WIPI2: variants seen among roughly 807,000 people sequenced by gnomAD.
The protein encoded by WIPI2 is WD repeat domain, phosphoinositide interacting 2.
A neutral mutation model predicts 52.3 loss-of-function variants in WIPI2; 28 were observed. The observed-to-expected ratio is 0.54, with a 90% CI of 0.40 to 0.73. WIPI2 has a LOEUF of 0.73. Among genes scored for constraint, WIPI2 ranks in the 30% least tolerant of loss-of-function variants. WIPI2 has a pLI of 0.00. For synonymous variants in WIPI2, 268 were observed against 245.0 expected (o/e 1.09, Z -0.88); for missense variants, 506 against 602.9 (o/e 0.84, Z 1.68).
At chr7:5,224,557 G>A (rs1161998857) in intron 8 of WIPI2, among the ~76,000 whole-genome samples, 1 of 152,208 alleles carries the variant, frequency 6.6e-6, no homozygotes, top group Admixed American at 6.5e-5. Flanking sequence ...CATTCAGGGA[G>A]CAGAGTTTTT....
rs746769906 is a variant in WIPI2 at position 5,229,753 on chromosome 7, G to A, written c.1252+15G>A. 43 of 1,612,758 alleles carry A rather than the reference G, an allele frequency of 2.7e-5. No homozygotes were observed. The highest frequency in any genetic ancestry group is 4.0e-5 in the African/African-American group (3 of 74,880). On this transcript the variant is annotated intron_variant, in intron 12 of 12. Coordinates refer to ENST00000288828, the MANE Select transcript of WIPI2 (RefSeq NM_015610.4). Reference sequence around the variant, plus strand: ...AACGAGACTTGGTAAGGGGCGTGACGCAAACCTGGAAGGTAATTAGCCCCA... The same window carrying A: ...AACGAGACTTGGTAAGGGGCGTGACACAAACCTGGAAGGTAATTAGCCCCA...
chr7:5,222,452 G>C (rs745336619), intron 7 of WIPI2, 150 bp from the exon 8 acceptor site: 8 of 762,120 alleles, frequency 1.0e-5, no homozygotes, highest in Non-Finnish European at 1.6e-5. Flanking sequence ...GATGTTCAAG[G>C]GGGGCCCTGG....
chr7:5,191,736 T>A (rs901192986), intron 1 of WIPI2, among the ~76,000 whole-genome samples: 3 of 152,202 alleles, frequency 2.0e-5, no homozygotes, highest in African/African-American at 7.2e-5. Context: ...GAGTTGTTAC[T>A]GGCTGAGTGG....
Position 5,227,210 on chromosome 7 carries a change from GTAC to G in WIPI2, c.881_883del (p.Tyr294del). 6.2e-7 allele frequency: 1 copy of G among 1,613,996 alleles called. No homozygotes were observed. The highest frequency in any genetic ancestry group is 1.7e-5 in the Admixed American group (1 of 60,016). On this transcript the variant is annotated inframe_deletion, in exon 10 of 13. Transcript: ENST00000288828. This position sits in a 1 kb window ranked among gnomAD's most constrained non-coding sequence, Gnocchi z 8.1. ...CAGAGGAGCCCACCACCTGGACCGG[GTAC>G]TTCGGGAAAGTGCTCATGGCCTCCA... is the stretch of plus-strand genomic sequence containing the variant.
At chr7:5,211,494 G>C (rs548864020) in intron 3 of WIPI2, among the ~76,000 whole-genome samples, 2 of 152,078 alleles carry the variant, frequency 1.3e-5, no homozygotes, top group African/African-American at 4.8e-5. Flanking sequence ...ATCCCACTTC[G>C]CATGTGTCTA....
intron 3 of WIPI2, chr7:5,214,328 T>TA (rs1782704554): frequency 2.5e-6 from 4 of 1,570,478 alleles, no homozygotes; most frequent in Non-Finnish European, 3.4e-6. Context: ...GGGCCATCCT[T>TA]AGAGTGGAAA....
Position 5,193,160 on chromosome 7 carries a change from C to T in WIPI2, c.117C>T (p.Arg39=), listed in dbSNP as rs751948811. ...GASRAAGLGR[R]AVVWSLAVGS... ...CAAGAGCAGCTGGTCTTGGCCGTCG[C>T]GCTGTTGTCTGGTTAGTTCCAACCC... The change falls in exon 2 of 13, where the codon CGC becomes CGT. Residue 39 remains arginine (R), a synonymous_variant. Coordinates refer to ENST00000288828, the MANE Select transcript of WIPI2 (RefSeq NM_015610.4). The T allele has an allele frequency of 3.8e-5, 61 of 1,613,498 alleles. No homozygotes were observed. Among genetic ancestry groups the T allele is most frequent in the East Asian group, 8.9e-5 (4 of 44,894 alleles).
chr7:5,205,748 T>A (rs1049357707), intron 3 of WIPI2, among the ~76,000 whole-genome samples: 1 of 152,118 alleles, frequency 6.6e-6, no homozygotes, highest in African/African-American at 2.4e-5. Context: ...CCTCAAGTGA[T>A]CCACCTGCCT....
chr7:5,228,073 C>G (rs1783528696), intron 10 of WIPI2, 31 bp from the exon 11 acceptor site: 1 of 1,607,350 alleles, frequency 6.2e-7, no homozygotes, highest in Non-Finnish European at 8.5e-7. Flanking sequence ...TGACAGTTGT[C>G]TAGAATTTGG....
chr7:5,217,572 C>A, intron 6 of WIPI2: 1 of 405,966 alleles, frequency 2.5e-6, no homozygotes, highest in Non-Finnish European at 4.6e-6. Context: ...GCTGGGACTA[C>A]AGGCGGGTGC....
At chr7:5,222,728 T>G (rs1033356994) in intron 8 of WIPI2, 56 bp downstream of exon 8, 23 of 1,517,946 alleles carry the variant, frequency 1.5e-5, no homozygotes, top group Non-Finnish European at 2.1e-5. Flanking sequence ...GATTTCAGTT[T>G]TATGTTATCT....
At chr7:5,195,980 G>T (rs1781729454) in intron 2 of WIPI2, among the ~76,000 whole-genome samples, 1 of 151,846 alleles carries the variant, frequency 6.6e-6, no homozygotes, top group Non-Finnish European at 1.5e-5. Flanking sequence ...TGAGGTTGCA[G>T]TGAGTTGAGA....
At position 5,230,778 on chromosome 7, in the gene WIPI2, A is replaced by ATGGGGTCTGTGGTGTGTCCCC. The variant is rs1783690124; in HGVS notation, c.1253-56_1253-36dup. 1 of 1,349,862 alleles carries ATGGGGTCTGTGGTGTGTCCCC rather than the reference A, an allele frequency of 7.4e-7. No individual in the cohort carries two copies. The highest frequency in any genetic ancestry group is 1.0e-6 in the Non-Finnish European group (1 of 962,854). The allele number at this position is 1,349,862 out of a possible 1,614,324, so 83.6% of individuals were successfully genotyped here. ...CAAAACACAGTCCTCAGTGTGTGTC[A>ATGGGGTCTGTGGTGTGTCCCC]TGGGGTCTGTGGTGTGTCCCCAGCC... On this transcript the variant is annotated intron_variant, in intron 12 of 12. Transcript: ENST00000288828. The surrounding 1 kb of genome is among the most constrained non-coding windows in gnomAD (Gnocchi z 4.8).
chr7:5,226,253 C>A (rs1583591792), intron 9 of WIPI2: 1 of 309,356 alleles, frequency 3.2e-6, no homozygotes, highest in East Asian at 7.5e-5. Flanking sequence ...CGTTTGTGAT[C>A]AGACAGCCCA....
chr7:5,206,103 C>G (rs765747469), intron 3 of WIPI2, among the ~76,000 whole-genome samples: 21 of 151,894 alleles, frequency 1.4e-4, no homozygotes, highest in South Asian at 1.2e-3. Flanking sequence ...TTTTCTAAGG[C>G]TTCTAAATAC....
chr7:5,224,792 A>G (rs537082753), intron 8 of WIPI2, among the ~76,000 whole-genome samples: 1 of 152,306 alleles, frequency 6.6e-6, no homozygotes, highest in East Asian at 1.9e-4. Context: ...AATTCAGCCT[A>G]TGCCCGGGGA....
At chr7:5,226,913 G>A (rs1200333131) in intron 9 of WIPI2, 4 of 474,954 alleles carry the variant, frequency 8.4e-6, no homozygotes, top group Non-Finnish European at 1.5e-5. Flanking sequence ...CAAAGGGGAT[G>A]TGTGGTCAGC....
Position 5,227,671 on chromosome 7 carries a change from G to A in WIPI2, c.1013+327G>A, listed in dbSNP as rs140678707. Among the ~76,000 whole-genome samples, 297 of 152,314 alleles carry A rather than the reference G, an allele frequency of 1.9e-3. 1 individual carries two copies. The East Asian group carries it at 0.045, about 23-fold the overall frequency. ...CGCACTTGCCGAGTCTCAGGCATCCGTCCGGCTCCAGGGTCTGGCCTCAGA... is the reference window on the plus strand; with the variant it reads ...CGCACTTGCCGAGTCTCAGGCATCCATCCGGCTCCAGGGTCTGGCCTCAGA... On this transcript the variant is annotated intron_variant, in intron 10 of 12. Transcript: ENST00000288828. This position sits in a 1 kb window ranked among gnomAD's most constrained non-coding sequence, Gnocchi z 8.1.
intron 3 of WIPI2, among the ~76,000 whole-genome samples, chr7:5,211,758 T>C (rs1413831569): frequency 6.6e-6 from 1 of 152,210 alleles, no homozygotes; most frequent in Non-Finnish European, 1.5e-5. Flanking sequence ...TTAATGAAGC[T>C]GAGAGTCCAA....
Sources: allele counts gnomAD v4.1 joint callset (sites outside exome capture counted in the v4.1 genomes callset), GRCh38; gene constraint gnomAD v4.1.1; non-coding constraint Gnocchi (gnomAD v3.1); transcripts MANE v1.5; gene names NCBI Gene and HGNC (gene_info 2026-07-23, HGNC 2026-07-21).